Variants in SV2C observed in about 807,000 individuals in gnomAD.
SV2C encodes the protein solute carrier family 22 member B3.
In SV2C, 49 loss-of-function variants were observed where a neutral mutation model predicts 79.7. That is an observed-to-expected ratio of 0.61 (90% confidence interval 0.49 to 0.78). The LOEUF (loss-of-function observed/expected upper bound fraction) is 0.78, where lower values mean the gene tolerates loss of function less well. SV2C is among the 30% of genes least tolerant of loss of function. SV2C has a pLI of 0.00. For missense variants in SV2C, 833 were observed against 912.9 expected, an observed-to-expected ratio of 0.91 and a Z score of 1.13; for synonymous variants, 334 against 333.2, an observed-to-expected ratio of 1.00 and a Z score of -0.03.
chr5:75,946,904 T>C, the SV2C span, among the ~76,000 whole-genome samples: 105 of 152,282 alleles, frequency 6.9e-4, no homozygotes, highest in Non-Finnish European at 1.3e-4. Flanking sequence ...TGAAATTTAC[T>C]GTATGCCAGA....
chr5:76,035,757 T>C, the SV2C span, among the ~76,000 whole-genome samples: 1 of 152,172 alleles, frequency 6.6e-6, no homozygotes, highest in Non-Finnish European at 1.5e-5. Context: ...AGATGTCTAT[T>C]AGGTCTGCTT....
chr5:75,901,400 G>A, the SV2C span, among the ~76,000 whole-genome samples: 1 of 152,150 alleles, frequency 6.6e-6, no homozygotes, highest in Non-Finnish European at 1.5e-5. Context: ...CAGAACAATG[G>A]ATTTTCATGA....
the SV2C span, among the ~76,000 whole-genome samples, chr5:75,976,324 A>G: frequency 2.6e-5 from 4 of 152,174 alleles, no homozygotes; most frequent in Non-Finnish European, 5.9e-5. Flanking sequence ...GAATAGTCAT[A>G]AAATAAGAAA....
chr5:76,114,112 A>G (rs564058826), intron 1 of SV2C, among the ~76,000 whole-genome samples: 21 of 152,144 alleles, frequency 1.4e-4, no homozygotes, highest in Non-Finnish European at 3.1e-4. Flanking sequence ...CTTGTGCACC[A>G]CTGAAACACC....
intron 3 of SV2C, among the ~76,000 whole-genome samples, chr5:76,200,492 T>A (rs1744409573): frequency 6.6e-6 from 1 of 152,208 alleles, no homozygotes; most frequent in Non-Finnish European, 1.5e-5. Flanking sequence ...ACATTCTGAA[T>A]CCAAGGTTTA....
chr5:75,908,493 T>C, the SV2C span, among the ~76,000 whole-genome samples: 1 of 152,212 alleles, frequency 6.6e-6, no homozygotes, highest in South Asian at 2.1e-4. Context: ...TTTCCAGCAA[T>C]AATTTTTATT....
intron 2 of SV2C, among the ~76,000 whole-genome samples, chr5:76,190,088 G>A (rs571018377): frequency 2.6e-5 from 4 of 152,334 alleles, no homozygotes; most frequent in African/African-American, 9.6e-5. Flanking sequence ...GAAAACACTT[G>A]CAGTGATGGT....
At chr5:76,035,879 C>A in the SV2C span, among the ~76,000 whole-genome samples, 2 of 152,158 alleles carry the variant, frequency 1.3e-5, no homozygotes, top group Admixed American at 1.3e-4. Flanking sequence ...GTGTGGGAGT[C>A]TAAGTCTCTT....
chr5:75,955,923 T>C, the SV2C span, among the ~76,000 whole-genome samples: 13 of 151,858 alleles, frequency 8.6e-5, no homozygotes, highest in Admixed American at 5.3e-4. Context: ...TATGAAGAAA[T>C]AGGAACACTT....
At chr5:76,031,952 G>T in the SV2C span, among the ~76,000 whole-genome samples, 3 of 152,262 alleles carry the variant, frequency 2.0e-5, no homozygotes, top group African/African-American at 7.2e-5. Flanking sequence ...CATTCTCATA[G>T]CCCAGCCTGA....
the SV2C span, among the ~76,000 whole-genome samples, chr5:75,884,625 CAT>C: frequency 6.6e-6 from 1 of 152,000 alleles, no homozygotes; most frequent in Non-Finnish European, 1.5e-5. Flanking sequence ...ACTTAAAAAA[CAT>C]ATTGTACAAG....
chr5:75,931,320 T>C, the SV2C span, among the ~76,000 whole-genome samples: 1 of 152,188 alleles, frequency 6.6e-6, no homozygotes, highest in Admixed American at 6.5e-5. Flanking sequence ...AGTTTACACT[T>C]GGTCACAAAT....
the SV2C span, among the ~76,000 whole-genome samples, chr5:76,054,838 G>A: frequency 6.6e-6 from 1 of 151,864 alleles, no homozygotes; most frequent in Non-Finnish European, 1.5e-5. Context: ...TTTTGATGGG[G>A]TTGTTTGTTT....
At chr5:76,236,287 G>T (rs1370342688) in intron 4 of SV2C, among the ~76,000 whole-genome samples, 1 of 145,204 alleles carries the variant, frequency 6.9e-6, no homozygotes, top group Non-Finnish European at 1.5e-5. Flanking sequence ...AAATACACTA[G>T]GCCTGGGCAT....
At chr5:76,155,228 T>C (rs886260774) in intron 2 of SV2C, among the ~76,000 whole-genome samples, 2 of 152,358 alleles carry the variant, frequency 1.3e-5, no homozygotes, top group African/African-American at 2.4e-5. Context: ...AACTTTTCCC[T>C]GGCATAGTGA....
chr5:75,914,099 A>G, the SV2C span, among the ~76,000 whole-genome samples: 144 of 152,252 alleles, frequency 9.5e-4, no homozygotes, highest in Admixed American at 6.5e-3. Flanking sequence ...CATCATTTTC[A>G]TGTGTAAGCT....
Position 76,331,567 on chromosome 5 carries a change from AG to A in SV2C, c.*6021del, listed in dbSNP as rs1401692085. 1.3e-5 allele frequency: 2 copies of A among 152,234 alleles called. No individual in the cohort carries two copies. The highest frequency in any genetic ancestry group is 2.9e-5 in the Non-Finnish European group (2 of 68,094). The allele number at this position is 152,234 out of a possible 1,614,324, so 9.4% of individuals were successfully genotyped here. A position where few individuals can be genotyped will look rare whatever the true frequency, so the allele number is the denominator to read the frequency against. On this transcript the variant is annotated 3_prime_UTR_variant, in exon 13 of 13. Transcript: ENST00000502798. ...GCAGAGCAGAAAGAGGGTAGTTGTC[AG>A]TGACCCTCTACCCTCCTCTGAGAGC...
At chr5:75,982,895 T>A in the SV2C span, among the ~76,000 whole-genome samples, 1 of 152,166 alleles carries the variant, frequency 6.6e-6, no homozygotes, top group Non-Finnish European at 1.5e-5. Context: ...TTCTCACTTA[T>A]AAGTGGGAGC....
At chr5:76,000,540 T>A in the SV2C span, among the ~76,000 whole-genome samples, 3 of 152,196 alleles carry the variant, frequency 2.0e-5, no homozygotes, top group Non-Finnish European at 4.4e-5. Flanking sequence ...CTGTGCACAC[T>A]CAAATTCGAG....
Sources: gnomAD v4.1 joint callset for allele counts (sites outside exome capture counted in the v4.1 genomes callset) on GRCh38, gnomAD v4.1.1 for gene constraint, MANE v1.5 for transcripts, NCBI Gene and HGNC (gene_info 2026-07-23, HGNC 2026-07-21) for gene names.